Variants in TARDBP observed in about 807,000 individuals in gnomAD.
The protein encoded by TARDBP is TAR DNA-binding protein 43.
Under a neutral mutation model 38.3 loss-of-function variants are expected in TARDBP, and 4 were observed. The ratio of observed to expected loss-of-function variants is 0.10; its 90% CI spans 0.05 to 0.24. The LOEUF (loss-of-function observed/expected upper bound fraction) is 0.24, where lower values mean the gene tolerates loss of function less well. Among genes scored for constraint, TARDBP ranks in the 10% least tolerant of loss-of-function variants. The pLI, the probability that TARDBP is intolerant of heterozygous loss-of-function variation, is 1.00. For missense variants in TARDBP, 202 were observed against 521.9 expected (o/e 0.39, Z 5.97); for synonymous variants, 184 against 183.8 (o/e 1.00, Z -0.01).
At chr1:11,021,380 A>T (rs552787389) in intron 5 of TARDBP, among the ~76,000 whole-genome samples, 1 of 152,182 alleles carries the variant, frequency 6.6e-6, no homozygotes, top group South Asian at 2.1e-4. Flanking sequence ...ACCTCAGGTG[A>T]TCTGCCCATC....
chr1:11,016,868 C>T lies in TARDBP; in HGVS notation c.263C>T (p.Thr88Ile), dbSNP rs1553159049. Residue 88 changes from threonine (T) to isoleucine (I), a missense_variant, in exon 3 of 6, where the codon ACA becomes ATA. By Grantham distance (89) the Thr-to-Ile change is moderately conservative. This residue lies in a region of TARDBP where 71 missense variants were observed against 185.4 expected (regional missense o/e 0.38). Coordinates refer to ENST00000240185, the MANE Select transcript of TARDBP (RefSeq NM_007375.4). ...PKDNKRKMDE[T>I]DASSAVKVKR... ...GATAACAAAAGAAAAATGGATGAGA[C>T]AGATGCTTCATCAGCAGTGAAAGTG... The T allele has an allele frequency of 6.2e-7, 1 of 1,614,136 alleles. No individual in the cohort carries two copies. Among genetic ancestry groups the T allele is most frequent in the South Asian group, 1.1e-5 (1 of 91,084 alleles).
downstream of TARDBP, among the ~76,000 whole-genome samples, chr1:11,029,279 C>T (rs1201145739): frequency 2.0e-5 from 3 of 151,612 alleles, no homozygotes; most frequent in South Asian, 2.1e-4. Context: ...GGATTACAGG[C>T]GTGAGCCACC....
chr1:11,023,145 C>A lies in TARDBP; in HGVS notation c.*491C>A, dbSNP rs1643673435. The A allele has an allele frequency of 1.3e-6, 2 of 1,544,594 alleles. No individual in the cohort carries two copies. The highest frequency in any genetic ancestry group is 2.7e-5 in the African/African-American group (2 of 72,890). On this transcript the variant is annotated 3_prime_UTR_variant, in exon 6 of 6. Coordinates refer to ENST00000240185, the MANE Select transcript of TARDBP (RefSeq NM_007375.4). The stretch of plus-strand genomic sequence containing the variant: ...TGTTTTGTTTTTTAACACTTGTCTC[C>A]CCTCATACACAAAAGTACAATATGA...
chr1:11,013,345 C>T (rs547340868), intron 1 of TARDBP, among the ~76,000 whole-genome samples: 2 of 152,372 alleles, frequency 1.3e-5, no homozygotes, highest in South Asian at 4.1e-4. Flanking sequence ...TAGGCTCCTC[C>T]TCTGCCTTCA....
chr1:11,013,665 AAC>A (rs1643459826), intron 1 of TARDBP, 49 bp from the exon 2 acceptor site: 1 of 1,430,170 alleles, frequency 7.0e-7, no homozygotes, highest in Admixed American at 1.9e-5. Flanking sequence ...ATTATAAGGA[AAC>A]AGTTATTCTG....
intron 4 of TARDBP, among the ~76,000 whole-genome samples, chr1:11,019,435 C>A (rs1215340990): frequency 1.3e-5 from 2 of 152,196 alleles, no homozygotes; most frequent in South Asian, 4.1e-4. Flanking sequence ...CAAATACTTA[C>A]CATCATGTTA....
chr1:11,027,277 C>A (rs137990115), downstream of TARDBP: 41 of 1,613,832 alleles, frequency 2.5e-5, no homozygotes, highest in Non-Finnish European at 3.0e-5. Context: ...GATTCAGCTT[C>A]TTTTCTTGGC....
At position 11,022,007 on chromosome 1, in the gene TARDBP, G is replaced by T; in HGVS notation, c.715-117G>T. ...GGTTTAAATGAAATGAGTGTTCATT[G>T]CTTATTTTTCCTCTGGCTTTAGATA... On this transcript the variant is annotated intron_variant, in intron 5 of 5. Coordinates refer to ENST00000240185, the MANE Select transcript of TARDBP (RefSeq NM_007375.4). The surrounding 1 kb of genome is among the most constrained non-coding windows in gnomAD (Gnocchi z 4.5). 8.3e-7 allele frequency: 1 copy of T among 1,211,860 alleles called. No homozygotes were observed. The highest frequency in any genetic ancestry group is 1.2e-6 in the Non-Finnish European group (1 of 836,026). 75.1% of individuals were successfully genotyped at this position (1,211,860 alleles called of 1,614,324 possible).
At chr1:11,028,224 AAAAG>A (rs976620369), downstream of TARDBP, among the ~76,000 whole-genome samples, 3 of 152,204 alleles carry the variant, frequency 2.0e-5, no homozygotes, top group Admixed American at 6.5e-5. Context: ...TCTCAAAAAA[AAAAG>A]GAGATTAGGA....
downstream of TARDBP, chr1:11,026,831 A>C: frequency 2.1e-6 from 3 of 1,419,130 alleles, no homozygotes; most frequent in Non-Finnish European, 1.9e-6. Context: ...GTCGCTGCCA[A>C]GGTCTTCACA....
In TARDBP at chr1:11,025,243, T is replaced by A. The variant is rs1366701578; in HGVS notation, c.*2589T>A. ...CTTGTCAACGGCATGGTTTAATCCC[T>A]TCTTTACACTTGTGTAAATTTCAGT... On this transcript the variant is annotated 3_prime_UTR_variant, in exon 6 of 6. Coordinates refer to ENST00000240185, the MANE Select transcript of TARDBP (RefSeq NM_007375.4). 1 of 152,632 alleles carries A rather than the reference T, an allele frequency of 6.6e-6. No homozygotes were observed. Among genetic ancestry groups the A allele is most frequent in the Non-Finnish European group, 1.5e-5 (1 of 68,020 alleles). The allele number at this position is 152,632 out of a possible 1,614,324, so 9.5% of individuals were successfully genotyped here. A position where few individuals can be genotyped will look rare whatever the true frequency, so the allele number is the denominator to read the frequency against.
chr1:11,026,701 G>A (rs115750484), downstream of TARDBP: 761 of 450,386 alleles, frequency 1.7e-3, 7 homozygotes, highest in African/African-American at 0.013. Flanking sequence ...TGAGTCAATG[G>A]GTAAGGCTGG....
In TARDBP at chr1:11,024,891, C is replaced by G. The variant is rs1034003373; in HGVS notation, c.*2237C>G. ...GATATTTGTTGTGTTGGTAGTTTAC[C>G]TAATGCCCTTACCTAATTAGATTAT... On this transcript the variant is annotated 3_prime_UTR_variant, in exon 6 of 6. Coordinates refer to ENST00000240185, the MANE Select transcript of TARDBP (RefSeq NM_007375.4). The G allele has an allele frequency of 2.0e-5, 3 of 152,490 alleles. No homozygotes were observed. The highest frequency in any genetic ancestry group is 4.4e-5 in the Non-Finnish European group (3 of 68,022). 9.4% of individuals were successfully genotyped at this position (152,490 alleles called of 1,614,324 possible).
Position 11,022,691 on chromosome 1 carries a change from G to C in TARDBP, c.*37G>C, listed in dbSNP as rs769281218. 6.3e-7 allele frequency: 1 copy of C among 1,587,928 alleles called. No homozygotes were observed. Among genetic ancestry groups the C allele is most frequent in the South Asian group, 1.1e-5 (1 of 87,206 alleles). The stretch of plus-strand genomic sequence containing the variant: ...GTGGTTGGTTGGTATAGAATGGTGG[G>C]AATTCAAATTTTTCTAAACTCATGG... On this transcript the variant is annotated 3_prime_UTR_variant, in exon 6 of 6. Coordinates refer to ENST00000240185, the MANE Select transcript of TARDBP (RefSeq NM_007375.4). The surrounding 1 kb of genome is among the most constrained non-coding windows in gnomAD (Gnocchi z 4.5).
chr1:11,020,060 C>T (rs1643606640), intron 4 of TARDBP, among the ~76,000 whole-genome samples: 1 of 151,596 alleles, frequency 6.6e-6, no homozygotes, highest in South Asian at 2.1e-4. Context: ...GGGGTTTCAC[C>T]ATGTTGACCA....
chr1:11,026,690 T>G, downstream of TARDBP: 1 of 424,438 alleles, frequency 2.4e-6, no homozygotes, highest in Non-Finnish European at 4.1e-6. Flanking sequence ...TTATGTCCCC[T>G]TGAGTCAATG....
chr1:11,028,412 T>C (rs1643776172), downstream of TARDBP, among the ~76,000 whole-genome samples: 1 of 152,220 alleles, frequency 6.6e-6, no homozygotes, highest in Admixed American at 6.5e-5. Context: ...AAATTACTTT[T>C]ACCTTTGAAC....
Position 11,022,556 on chromosome 1 carries a change from A to G in TARDBP, c.1147A>G (p.Ile383Val), listed in dbSNP as rs80356740. 7.6e-6 allele frequency: 12 copies of G among 1,581,252 alleles called. No homozygotes were observed. The highest frequency in any genetic ancestry group is 2.3e-5 in the South Asian group (2 of 86,880). ...SYSGSNSGAA[I>V]GWGSASNAGS... ...TAGTGGCTCTAATTCTGGTGCAGCA[A>G]TTGGTTGGGGATCAGCATCCAATGC... Residue 383 changes from isoleucine to valine, a missense_variant, in exon 6 of 6, where the codon ATT (isoleucine) becomes GTT (valine). Physicochemically the swap from Ile to Val is conservative, Grantham distance 29. This residue lies in a region of TARDBP where 107 missense variants were observed against 190.5 expected (regional missense o/e 0.56). Coordinates refer to ENST00000240185, the MANE Select transcript of TARDBP (RefSeq NM_007375.4). The surrounding 1 kb of genome is among the most constrained non-coding windows in gnomAD (Gnocchi z 4.5).
chr1:11,022,030 A>C lies in TARDBP; in HGVS notation c.715-94A>C, dbSNP rs1643649078. ...TTGCTTATTTTTCCTCTGGCTTTAG[A>C]TAAATTAATGCTTGTAATCTAAGTT... On this transcript the variant is annotated intron_variant, in intron 5 of 5. Transcript: ENST00000240185. The surrounding 1 kb of genome is among the most constrained non-coding windows in gnomAD (Gnocchi z 4.5). 6.8e-7 allele frequency: 1 copy of C among 1,461,874 alleles called. No homozygotes were observed. The highest frequency in any genetic ancestry group is 9.5e-7 in the Non-Finnish European group (1 of 1,050,456). 90.6% of individuals were successfully genotyped at this position (1,461,874 alleles called of 1,614,324 possible). A position where few individuals can be genotyped will look rare whatever the true frequency, so the allele number is the denominator to read the frequency against.
Sources: gnomAD v4.1 joint callset for allele counts (sites outside exome capture counted in the v4.1 genomes callset) on GRCh38, gnomAD v4.1.1 for gene constraint, gnomAD v4.1.1 regional missense constraint, Gnocchi (gnomAD v3.1) non-coding constraint, MANE v1.5 for transcripts, NCBI Gene and HGNC (gene_info 2026-07-23, HGNC 2026-07-21) for gene names.